TEAD1: variants seen among roughly 807,000 people sequenced by gnomAD.
TEAD1 encodes TEA domain transcription factor 1, also known as transcriptional enhancer factor TEF-1.
Under a neutral mutation model 54.9 loss-of-function variants are expected in TEAD1, and 9 were observed. The ratio of observed to expected loss-of-function variants is 0.16; its 90% CI spans 0.10 to 0.29. TEAD1 has a LOEUF of 0.29. TEAD1 is among the 10% of genes least tolerant of loss of function. The probability of loss-of-function intolerance (pLI) is 1.00; values close to 1 mark genes in which losing one functional copy is unlikely to be tolerated. For synonymous variants in TEAD1, 200 were observed against 187.8 expected (o/e 1.07, Z -0.53); for missense variants, 387 against 535.9 (o/e 0.72, Z 2.74).
chr11:12,862,447 G>A, intron 4 of TEAD1, 133 bp downstream of exon 4: 1 of 761,208 alleles, frequency 1.3e-6, no homozygotes, highest in South Asian at 1.5e-5. Flanking sequence ...CAGTGTTGGA[G>A]GTATTTTAAA....
intron 3 of TEAD1, among the ~76,000 whole-genome samples, chr11:12,829,204 A>G (rs1307002123): frequency 6.6e-6 from 1 of 152,220 alleles, no homozygotes; most frequent in Admixed American, 6.5e-5. Flanking sequence ...AAGAAGGTGC[A>G]TGACAGAGAC....
rs113606049 is a variant in TEAD1 at position 12,719,006 on chromosome 11, G to C, written c.-55+43445G>C. Among the ~76,000 whole-genome samples, 424 of 145,342 alleles carry C rather than the reference G, an allele frequency of 2.9e-3. 1 individual carries two copies. The highest frequency in any genetic ancestry group is 8.4e-3 in the African/African-American group (298 of 35,456). On this transcript the variant is annotated intron_variant, in intron 2 of 12. Transcript: ENST00000527636. ...GAAAACTTTGGGGTTTTTTTTTTAG[G>C]GGGGGGAGTCCAAGGGTCTTCTGAA...
At chr11:12,790,459 T>C (rs1945775727) in intron 3 of TEAD1, among the ~76,000 whole-genome samples, 1 of 152,194 alleles carries the variant, frequency 6.6e-6, no homozygotes, top group Non-Finnish European at 1.5e-5. Context: ...ATAGCTTAAA[T>C]TTGTAAAATG....
Position 12,799,564 on chromosome 11 carries a change from A to G in TEAD1, c.202+35130A>G, listed in dbSNP as rs6486058. 4.8e-3 allele frequency among the ~76,000 whole-genome samples: 734 copies of G among 152,338 alleles called. 9 individuals carry two copies. The highest frequency in any genetic ancestry group is 0.017 in the African/African-American group (695 of 41,566). ...AATCTCCTACAGTGCTTTACAGTTT[A>G]TAATTGCTTTTTCAGATATTATCTT... On this transcript the variant is annotated intron_variant, in intron 3 of 12. Coordinates refer to ENST00000527636, the MANE Select transcript of TEAD1 (RefSeq NM_021961.6).
chr11:12,765,635 G>A (rs539130804), intron 3 of TEAD1, among the ~76,000 whole-genome samples: 2 of 152,022 alleles, frequency 1.3e-5, no homozygotes, highest in African/African-American at 2.4e-5. Context: ...CCCCCACCCC[G>A]CCCTCCTCCT....
rs373835493 is a variant in TEAD1, at chr11:12,879,670, G to A, written c.331-38G>A. The A allele has an allele frequency of 1.7e-5, 28 of 1,613,976 alleles. No individual in the cohort carries two copies. The African/African-American group carries it at 1.9e-4, about 11-fold the overall frequency. ...TGTGTAACCTGCCTGGTAGCCATGC[G>A]TTATGTATTAAGTTGGTGTGTCACT... On this transcript the variant is annotated intron_variant, in intron 5 of 12. Transcript: ENST00000527636.
chr11:12,937,153 C>T lies in TEAD1; in HGVS notation c.1212C>T (p.Ala404=), dbSNP rs1197752641. ...CACAAGAAACTCTACTCTGCATGGC[C>T]TGTGTGTTTGAAGTTTCAAATAGTG... is the stretch of plus-strand genomic sequence containing the variant. The change falls in exon 13 of 13, where the codon GCC becomes GCT. Residue 404 remains alanine (A), a synonymous_variant. Transcript: ENST00000527636. The T allele has an allele frequency of 7.4e-6, 12 of 1,613,896 alleles. No individual in the cohort carries two copies. The highest frequency in any genetic ancestry group is 1.3e-5 in the African/African-American group (1 of 74,904).
In TEAD1 at chr11:12,705,605, G is replaced by A. The variant is rs562347645; in HGVS notation, c.-55+30044G>A. ...AGTGAAGAAAATTTTATCTTACATT[G>A]TGAACACAATGGCAGGTAAGATTGC... On this transcript the variant is annotated intron_variant, in intron 2 of 12. Transcript: ENST00000527636. Among the ~76,000 whole-genome samples, 6 of 152,246 alleles carry A rather than the reference G, an allele frequency of 3.9e-5. No homozygotes were observed. The East Asian group carries it at 9.6e-4, about 24-fold the overall frequency.
chr11:12,843,005 C>T (rs539120773), intron 3 of TEAD1, among the ~76,000 whole-genome samples: 1 of 152,194 alleles, frequency 6.6e-6, no homozygotes, highest in African/African-American at 2.4e-5. Context: ...TTCTGCTAGG[C>T]AGAGTAACAG....
chr11:12,768,007 C>G (rs1945241532), intron 3 of TEAD1, among the ~76,000 whole-genome samples: 1 of 152,066 alleles, frequency 6.6e-6, no homozygotes, highest in Non-Finnish European at 1.5e-5. Context: ...TAAAACAAAA[C>G]AAAATAGATA....
chr11:12,882,930 T>C (rs1013108119), intron 8 of TEAD1, 71 bp from the exon 9 acceptor site: 1 of 1,612,694 alleles, frequency 6.2e-7, no homozygotes, highest in Admixed American at 1.7e-5. Context: ...TGTAGAGCCC[T>C]GTTCCAGTAT....
chr11:12,690,075 C>T (rs2133822569), intron 2 of TEAD1, among the ~76,000 whole-genome samples: 1 of 151,730 alleles, frequency 6.6e-6, no homozygotes, highest in African/African-American at 2.4e-5. Flanking sequence ...CCCGTCTCTA[C>T]TAAAAAATAC....
chr11:12,757,112 C>T (rs1487581233), intron 2 of TEAD1, among the ~76,000 whole-genome samples: 4 of 152,200 alleles, frequency 2.6e-5, no homozygotes, highest in Admixed American at 2.6e-4. Context: ...TGAAGTGGCC[C>T]TCACTTCTAC....
chr11:12,907,140 CCTT>C (rs1451916843), intron 10 of TEAD1, among the ~76,000 whole-genome samples: 1 of 152,052 alleles, frequency 6.6e-6, no homozygotes, highest in East Asian at 1.9e-4. Context: ...GGGTTCTTCT[CCTT>C]CAGCCATTAT....
At chr11:12,887,297 G>A (rs888094280) in intron 9 of TEAD1, among the ~76,000 whole-genome samples, 1 of 151,974 alleles carries the variant, frequency 6.6e-6, no homozygotes, top group African/African-American at 2.4e-5. Flanking sequence ...GGGTTTCACC[G>A]TGTTAGCCAA....
chr11:12,695,713 A>G (rs1943566656), intron 2 of TEAD1, among the ~76,000 whole-genome samples: 1 of 152,220 alleles, frequency 6.6e-6, no homozygotes. Flanking sequence ...TGAAAAACCC[A>G]GTGGCTTTTG....
chr11:12,822,814 G>C (rs1946580122), intron 3 of TEAD1, among the ~76,000 whole-genome samples: 1 of 152,142 alleles, frequency 6.6e-6, no homozygotes. Flanking sequence ...CCAACCCAGA[G>C]AACCATGCAA....
Position 12,940,966 on chromosome 11 carries a change from A to G in TEAD1, c.*3744A>G, listed in dbSNP as rs564529331. The G allele has an allele frequency of 6.6e-6, 1 of 152,294 alleles. No homozygotes were observed. The highest frequency in any genetic ancestry group is 1.9e-4 in the East Asian group (1 of 5,180). 9.4% of individuals were successfully genotyped at this position (152,294 alleles called of 1,614,324 possible). Reference sequence around the variant, plus strand: ...CAGTCTACTCTCCTTCGTTTTGTCGATGAGAAAGTTGAGGCCAGAGGGGAG... The same window carrying G: ...CAGTCTACTCTCCTTCGTTTTGTCGGTGAGAAAGTTGAGGCCAGAGGGGAG... On this transcript the variant is annotated 3_prime_UTR_variant, in exon 13 of 13. Transcript: ENST00000527636.
chr11:12,687,635 T>G (rs114698649), intron 2 of TEAD1, among the ~76,000 whole-genome samples: 388 of 152,344 alleles, frequency 2.5e-3, no homozygotes, highest in African/African-American at 8.8e-3. Flanking sequence ...GCTTCTCATT[T>G]AGTGTATTTG....
Sources: allele counts gnomAD v4.1 joint callset (sites outside exome capture counted in the v4.1 genomes callset), GRCh38; gene constraint gnomAD v4.1.1; transcripts MANE v1.5; gene names NCBI Gene and HGNC (gene_info 2026-07-23, HGNC 2026-07-21).